The following ODC1 variants were observed in gnomAD, a reference collection of about 807,000 sequenced individuals.
The protein encoded by ODC1 is ornithine decarboxylase 1.
A neutral mutation model predicts 41.5 loss-of-function variants in ODC1; 18 were observed. The ratio of observed to expected loss-of-function variants is 0.43; its 90% CI spans 0.30 to 0.64. The LOEUF (loss-of-function observed/expected upper bound fraction) is 0.64. Among genes scored for constraint, ODC1 ranks in the 30% least tolerant of loss-of-function variants. ODC1 has a pLI of 0.11. For synonymous variants in ODC1, 218 were observed against 211.6 expected (o/e 1.03, Z -0.26); for missense variants, 504 against 589.0 (o/e 0.86, Z 1.49).
Position 10,445,022 on chromosome 2 carries a change from A to G in ODC1, c.11T>C (p.Phe4Ser), listed in dbSNP as rs998038994. The change falls in exon 3 of 12, where the codon TTT becomes TCT. Residue 4 changes from phenylalanine (F) to serine (S), a missense_variant. Phe to Ser is a radical substitution (Grantham distance 155). Coordinates refer to ENST00000234111, the MANE Select transcript of ODC1 (RefSeq NM_002539.3). Reference sequence around the variant, plus strand: ...GTGGCAGTCAAACTCTTCATTACCAAAGTTGTTCATGATTTCTTGATGTTC... The same window carrying G: ...GTGGCAGTCAAACTCTTCATTACCAGAGTTGTTCATGATTTCTTGATGTTC... MNN[F>S]GNEEFDCHFL... is the part of the protein sequence containing the mutation. 11 of 1,610,882 alleles carry G rather than the reference A, an allele frequency of 6.8e-6. No homozygotes were observed. The highest frequency in any genetic ancestry group is 8.5e-6 in the Non-Finnish European group (10 of 1,177,096).
rs1222308091 is a variant in ODC1 at position 10,443,265 on chromosome 2, G to A, written c.715C>T (p.Pro239Ser). Reference sequence around the variant, plus strand: ...TTAAGTTTCACATCCTCAGATCCAGGAAAGCCACCGCCAATATCAAGCAGA... The same window carrying A: ...TTAAGTTTCACATCCTCAGATCCAGAAAAGCCACCGCCAATATCAAGCAGA... ...MYLLDIGGGF[P>S]GSEDVKLKFE... Residue 239 changes from proline to serine, a missense_variant, in exon 8 of 12, where the codon CCT (proline) becomes TCT (serine). Pro to Ser is a moderately conservative substitution (Grantham distance 74, BLOSUM62 -1). Transcript: ENST00000234111. 1 of 1,612,688 alleles carries A rather than the reference G, an allele frequency of 6.2e-7. No individual in the cohort carries two copies. The highest frequency in any genetic ancestry group is 1.1e-5 in the South Asian group (1 of 90,748).
Position 10,444,079 on chromosome 2 carries a change from T to G in ODC1, c.449+16A>C. The G allele has an allele frequency of 1.9e-6, 3 of 1,568,260 alleles. No individual in the cohort carries two copies. The highest frequency in any genetic ancestry group is 2.6e-6 in the Non-Finnish European group (3 of 1,158,434). On this transcript the variant is annotated intron_variant, in intron 5 of 11. Transcript: ENST00000234111. ...TTATGCTCCCGATCTTGCCCTCAGATGGGGGAATAACTCACTTTGCTTTGG... is the reference window on the plus strand; with the variant it reads ...TTATGCTCCCGATCTTGCCCTCAGAGGGGGGAATAACTCACTTTGCTTTGG...
Position 10,440,740 on chromosome 2 carries a change from G to A in ODC1, c.1370C>T (p.Ala457Val). 6.2e-7 allele frequency: 1 copy of A among 1,614,028 alleles called. No individual in the cohort carries two copies. Among genetic ancestry groups the A allele is most frequent in the Non-Finnish European group, 8.5e-7 (1 of 1,179,982 alleles). ...GAGTGCTATCTACACATTAATACTA[G>A]CCGAAGCACAGGCTGCTCTGTGGCG... ...MKRHRAACAS[A>V]SINV The change falls in exon 12 of 12, where the codon GCT becomes GTT. Residue 457 changes from alanine (A) to valine (V), a missense_variant. Ala to Val is a moderately conservative substitution (Grantham distance 64). Coordinates refer to ENST00000234111, the MANE Select transcript of ODC1 (RefSeq NM_002539.3).
At position 10,441,697 on chromosome 2, in the gene ODC1, A is replaced by G. The variant is rs768145950; in HGVS notation, c.1053T>C (p.Tyr351=). 7.4e-6 allele frequency: 12 copies of G among 1,614,102 alleles called. No individual in the cohort carries two copies. Among genetic ancestry groups the G allele is most frequent in the Middle Eastern group, 1.6e-4 (1 of 6,084 alleles). ...QKRPKPDEKY[Y]SSSIWGPTCD... is the part of the protein sequence containing the mutation. Reference sequence around the variant, plus strand: ...ATGTTGGTCCCCATATGCTGGATGAATAATACTTCTCATCTGGTTTAGGTC... The same window carrying G: ...ATGTTGGTCCCCATATGCTGGATGAGTAATACTTCTCATCTGGTTTAGGTC... The change falls in exon 11 of 12, where the codon TAT becomes TAC. Residue 351 remains tyrosine, a synonymous_variant. Transcript: ENST00000234111.
rs1671838574 is a variant in ODC1, at chr2:10,441,992, G to A, written c.913+20C>T. 6.2e-7 allele frequency: 1 copy of A among 1,613,108 alleles called. No homozygotes were observed. Among genetic ancestry groups the A allele is most frequent in the Admixed American group, 1.7e-5 (1 of 59,988 alleles). ...ATCAGCTTTCAGTTATACATGAAGT[G>A]ATTCGTCCTTTATACATACCATCAG... On this transcript the variant is annotated intron_variant, in intron 9 of 11. Transcript: ENST00000234111.
In ODC1 at chr2:10,441,965, G is replaced by T. The variant is rs1322275577; in HGVS notation, c.914-36C>A. ...AGATCAACAATCTTAATGACTTTTT[G>T]CATCAGCTTTCAGTTATACATGAAG... is the stretch of plus-strand genomic sequence containing the variant. On this transcript the variant is annotated intron_variant, in intron 9 of 11. Transcript: ENST00000234111. The T allele has an allele frequency of 2.5e-6, 4 of 1,612,696 alleles. No homozygotes were observed. The Admixed American group carries it at 5.0e-5, about 20-fold the overall frequency.
At chr2:10,442,696 G>T (rs1180594037) in intron 8 of ODC1, among the ~76,000 whole-genome samples, 1 of 152,206 alleles carries the variant, frequency 6.6e-6, no homozygotes, top group South Asian at 2.1e-4. Context: ...TCTCTAGGAA[G>T]CCCACAGCAA....
Position 10,440,288 on chromosome 2 carries a change from T to C in ODC1, c.*436A>G, listed in dbSNP as rs1671776922. On this transcript the variant is annotated 3_prime_UTR_variant, in exon 12 of 12. Coordinates refer to ENST00000234111, the MANE Select transcript of ODC1 (RefSeq NM_002539.3). ...TCTCACCTGTCCTCCTACCTGTGTG[T>C]GGGTGGACCCACTCATTGTTCTCTG... 6.3e-6 allele frequency: 1 copy of C among 157,758 alleles called. No homozygotes were observed. Among genetic ancestry groups the C allele is most frequent in the Non-Finnish European group, 1.4e-5 (1 of 71,410 alleles). The allele number at this position is 157,758 out of a possible 1,614,324, so 9.8% of individuals were successfully genotyped here.
At chr2:10,443,188 AT>A in intron 8 of ODC1, 41 bp downstream of exon 8, 1 of 1,465,334 alleles carries the variant, frequency 6.8e-7, no homozygotes, top group Admixed American at 1.9e-5. Context: ...AAAGGAATTT[AT>A]TAGAACGGCT....
intron 11 of ODC1, 33 bp downstream of exon 11, chr2:10,441,476 T>C (rs534924315): frequency 1.2e-6 from 2 of 1,601,562 alleles, no homozygotes; most frequent in Middle Eastern, 1.7e-4. Flanking sequence ...TGCCTATTCT[T>C]GGCAGCACCA....
Position 10,442,150 on chromosome 2 carries a change from A to G in ODC1, c.775T>C (p.Leu259=). ...GAGTCTGACGGAAAGTATTTGTCCA[A>G]CGCTGGGTTGATTACGCCGGTGATC... ...EEITGVINPA[L]DKYFPSDSGV... Residue 259 remains leucine, a synonymous_variant, in exon 9 of 12, where the codon TTG becomes CTG. Transcript: ENST00000234111. 2.5e-6 allele frequency: 4 copies of G among 1,609,196 alleles called. No individual in the cohort carries two copies. Among genetic ancestry groups the G allele is most frequent in the Middle Eastern group, 1.7e-4 (1 of 6,038 alleles).
intron 3 of ODC1, 115 bp from the exon 4 acceptor site, chr2:10,444,762 C>T: frequency 1.1e-6 from 1 of 933,318 alleles, no homozygotes; most frequent in South Asian, 1.6e-5. Context: ...TGAGTCTAGC[C>T]ACTGATATGA....
rs1671934340 is a variant in ODC1, at chr2:10,444,122, T to A, written c.422A>T (p.Lys141Ile). Residue 141 changes from lysine (K) to isoleucine (I), a missense_variant, in exon 5 of 12, where the codon AAA becomes ATA. Physicochemically the swap from Lys to Ile is moderately radical, Grantham distance 102. Transcript: ENST00000234111. ...TGCTTTGGGATGTGCTCTGGCAACTTTCATCAACTCAACTTCACTATCAAA... is the reference window on the plus strand; with the variant it reads ...TGCTTTGGGATGTGCTCTGGCAACTATCATCAACTCAACTTCACTATCAAA... ...MTFDSEVELM[K>I]VARAHPKAKL... is the part of the protein sequence containing the mutation. The A allele has an allele frequency of 6.2e-7, 1 of 1,606,196 alleles. No homozygotes were observed. Among genetic ancestry groups the A allele is most frequent in the Non-Finnish European group, 8.5e-7 (1 of 1,176,988 alleles).
In ODC1 at chr2:10,444,565, A is replaced by G; in HGVS notation, c.185T>C (p.Val62Ala). ...HLRWLKALPRVTPFYAVKCND... is the reference protein window; with the variant it reads ...HLRWLKALPRATPFYAVKCND... Reference sequence around the variant, plus strand: ...ACATTTGACTGCATAAAAGGGGGTGACACGAGGGAGAGCTTTTAACCACCT... The same window carrying G: ...ACATTTGACTGCATAAAAGGGGGTGGCACGAGGGAGAGCTTTTAACCACCT... Residue 62 changes from valine to alanine, a missense_variant, in exon 4 of 12, where the codon GTC becomes GCC. This residue lies in a region of ODC1 where 447 missense variants were observed against 524.4 expected (regional missense o/e 0.85). Transcript: ENST00000234111. The G allele has an allele frequency of 6.2e-7, 1 of 1,614,142 alleles. No individual in the cohort carries two copies. Among genetic ancestry groups the G allele is most frequent in the Non-Finnish European group, 8.5e-7 (1 of 1,180,008 alleles).
chr2:10,443,458 C>T lies in ODC1; in HGVS notation c.666+32G>A, dbSNP rs200737468. 6.6e-5 allele frequency: 106 copies of T among 1,603,290 alleles called. No homozygotes were observed. In the African/African-American group the frequency reaches 9.4e-4, roughly 14 times the overall value. ...AGACTAGTTATTGTCAGTTGTGTCC[C>T]GCCCTTCCCTAACAGGGTCACGTAT... On this transcript the variant is annotated intron_variant, in intron 7 of 11. Coordinates refer to ENST00000234111, the MANE Select transcript of ODC1 (RefSeq NM_002539.3).
chr2:10,442,446 C>T (rs887594792), intron 8 of ODC1, among the ~76,000 whole-genome samples: 6 of 152,154 alleles, frequency 3.9e-5, no homozygotes, highest in African/African-American at 1.2e-4. Flanking sequence ...ACGCAACTAA[C>T]TACTACCTAG....
chr2:10,443,209 TAC>T lies in ODC1; in HGVS notation c.750+19_750+20del. ...ATTTATTAGAACGGCTACTGAGTAT[TAC>T]AGTTTTGTTCTAAATTACCTCTTCA... On this transcript the variant is annotated intron_variant, in intron 8 of 11. Coordinates refer to ENST00000234111, the MANE Select transcript of ODC1 (RefSeq NM_002539.3). 1 of 1,577,070 alleles carries T rather than the reference TAC, an allele frequency of 6.3e-7. No homozygotes were observed. The highest frequency in any genetic ancestry group is 8.7e-7 in the Non-Finnish European group (1 of 1,153,670).
chr2:10,442,835 C>T (rs1671875381), intron 8 of ODC1, among the ~76,000 whole-genome samples: 1 of 152,070 alleles, frequency 6.6e-6, no homozygotes, highest in Admixed American at 6.5e-5. Flanking sequence ...CTCAGCCTTC[C>T]AAGTAGCTGG....
At position 10,441,643 on chromosome 2, in the gene ODC1, G is replaced by A. The variant is rs1320775327; in HGVS notation, c.1107C>T (p.Arg369=). Residue 369 remains arginine, a synonymous_variant, in exon 11 of 12, where the codon CGC becomes CGT. Transcript: ENST00000234111. ...CCACATGCATTTCAGGCAGGTCACA[G>A]CGCTCAACAATCCGATCGAGGCCAT... is the stretch of plus-strand genomic sequence containing the variant. ...TCDGLDRIVE[R]CDLPEMHVGD... The A allele has an allele frequency of 1.2e-6, 2 of 1,614,074 alleles. No homozygotes were observed. The highest frequency in any genetic ancestry group is 8.5e-7 in the Non-Finnish European group (1 of 1,180,060).
Sources: gnomAD v4.1 joint callset for allele counts (sites outside exome capture counted in the v4.1 genomes callset) on GRCh38, gnomAD v4.1.1 for gene constraint, gnomAD v4.1.1 regional missense constraint, MANE v1.5 for transcripts, NCBI Gene and HGNC (gene_info 2026-07-23, HGNC 2026-07-21) for gene names.